Variants in FAHD2B observed in about 807,000 individuals in gnomAD.
The protein encoded by FAHD2B is fumarylacetoacetate hydrolase domain containing 2B.
A neutral mutation model predicts 33.7 loss-of-function variants in FAHD2B; 26 were observed. The ratio of observed to expected loss-of-function variants is 0.77; its 90% CI spans 0.57 to 1.07. FAHD2B has a LOEUF of 1.07. Among genes scored for constraint, FAHD2B ranks in the 50% least tolerant of loss-of-function variants. The probability of loss-of-function intolerance (pLI) is 0.00; values close to 1 mark genes in which losing one functional copy is unlikely to be tolerated. For missense variants in FAHD2B, 272 were observed against 388.1 expected, an observed-to-expected ratio of 0.70 and a Z score of 2.51; for synonymous variants, 108 against 150.9, an observed-to-expected ratio of 0.72 and a Z score of 2.08.
downstream of FAHD2B, chr2:97,082,460 C>A (rs1307358450): frequency 2.5e-6 from 4 of 1,613,324 alleles, no homozygotes; most frequent in African/African-American, 5.3e-5. Context: ...AAGAAGGGAT[C>A]TTCGGTGAGT....
downstream of FAHD2B, among the ~76,000 whole-genome samples, chr2:97,078,921 C>T (rs552003046): frequency 6.6e-6 from 1 of 152,094 alleles, no homozygotes; most frequent in Admixed American, 6.6e-5. Flanking sequence ...CCTCACCCTC[C>T]ATCCTCTGGT....
At position 97,089,910 on chromosome 2, in the gene FAHD2B, G is replaced by A. The variant is rs2032229691; in HGVS notation, c.462+199C>T. ...TCTCTGTTTTATCTACAGTGAAGGTGTATTGCTTTTGTAACCAGGAAAACA... is the reference window on the plus strand; with the variant it reads ...TCTCTGTTTTATCTACAGTGAAGGTATATTGCTTTTGTAACCAGGAAAACA... On this transcript the variant is annotated intron_variant, in intron 4 of 8. Transcript: ENST00000414820. 3 of 615,266 alleles carry A rather than the reference G, an allele frequency of 4.9e-6. No individual in the cohort carries two copies. The South Asian group carries it at 6.1e-5, about 12-fold the overall frequency. The allele number at this position is 615,266 out of a possible 1,614,324, so 38.1% of individuals were successfully genotyped here.
At chr2:97,082,046 A>T, downstream of FAHD2B, 1 of 1,587,496 alleles carries the variant, frequency 6.3e-7, no homozygotes, top group Non-Finnish European at 8.6e-7. Flanking sequence ...CTGCTGTGGA[A>T]ACCGAGTGGG....
chr2:97,084,047 C>G lies in FAHD2B; in HGVS notation c.795-12G>C. On this transcript the variant is annotated splice_polypyrimidine_tract_variant and intron_variant, in intron 7 of 8. Coordinates refer to ENST00000414820, the MANE Select transcript of FAHD2B (RefSeq NM_001320848.2). ...AAAAGGTAACAAACCTGGAGCAAAG[C>G]AAAAGGACCCAGTGAGACCAGGGGC... The G allele has an allele frequency of 6.2e-7, 1 of 1,613,412 alleles. No individual in the cohort carries two copies. Among genetic ancestry groups the G allele is most frequent in the Non-Finnish European group, 8.5e-7 (1 of 1,179,804 alleles).
intron 4 of FAHD2B, among the ~76,000 whole-genome samples, chr2:97,088,125 T>C (rs11694252): frequency 3.5e-4 from 54 of 152,284 alleles, no homozygotes; most frequent in South Asian, 2.5e-3. Flanking sequence ...GCCAGCTCAC[T>C]GTCTGCTATA....
chr2:97,091,751 T>G, intron 2 of FAHD2B, 39 bp from the exon 3 acceptor site: 1 of 1,578,510 alleles, frequency 6.3e-7, no homozygotes, highest in Non-Finnish European at 8.6e-7. Context: ...ATGGAGGATC[T>G]CAGAGCCATC....
downstream of FAHD2B, chr2:97,083,105 G>A: frequency 6.6e-7 from 1 of 1,524,306 alleles, no homozygotes; most frequent in Non-Finnish European, 8.8e-7. Context: ...CACAGTCCCT[G>A]TGGTGAGCGC....
rs552971621 is a variant in FAHD2B, at chr2:97,094,274, C to G, written c.-133+427G>C. ...ATGCAGGTTCATTCCAACCTTACAG[C>G]AATCCCCTCAGGTAAAGCGCCCTCA... On this transcript the variant is annotated intron_variant, in intron 1 of 8. Coordinates refer to ENST00000414820, the MANE Select transcript of FAHD2B (RefSeq NM_001320848.2). Among the ~76,000 whole-genome samples, 9 of 151,870 alleles carry G rather than the reference C, an allele frequency of 5.9e-5. No homozygotes were observed. In the East Asian group the frequency reaches 1.6e-3, roughly 26 times the overall value.
intron 1 of FAHD2B, among the ~76,000 whole-genome samples, chr2:97,093,461 T>C (rs1257102): frequency 0.86 from 126,400 of 147,534 alleles, 55,721 homozygotes; most frequent in African/African-American, 0.95. Context: ...CTACAATGTC[T>C]GATTTAATTC....
chr2:97,094,456 T>C (rs1245558077), intron 1 of FAHD2B, among the ~76,000 whole-genome samples: 1 of 116,668 alleles, frequency 8.6e-6, no homozygotes, highest in African/African-American at 3.4e-5. Flanking sequence ...GGCGGCGACG[T>C]GAGGTGGAAA....
chr2:97,082,226 T>G (rs546439063), downstream of FAHD2B: 16 of 1,540,304 alleles, frequency 1.0e-5, no homozygotes, highest in East Asian at 3.4e-4. Context: ...CCCAGATTTC[T>G]TTCTTTTCCT....
At chr2:97,081,406 C>T (rs1245474126), downstream of FAHD2B, 2 of 1,547,902 alleles carry the variant, frequency 1.3e-6, no homozygotes, top group Non-Finnish European at 1.7e-6. Flanking sequence ...GCCTGGCTCT[C>T]CTGAGGCCAC....
Position 97,090,170 on chromosome 2 carries a change from C to T in FAHD2B, c.401G>A (p.Ser134Asn). 6.2e-7 allele frequency: 1 copy of T among 1,610,668 alleles called. No individual in the cohort carries two copies. Among genetic ancestry groups the T allele is most frequent in the South Asian group, 1.1e-5 (1 of 90,698 alleles). The change falls in exon 4 of 9, where the codon AGC (serine) becomes AAC (asparagine). Residue 134 changes from serine to asparagine, a missense_variant. Coordinates refer to ENST00000414820, the MANE Select transcript of FAHD2B (RefSeq NM_001320848.2). Reference protein sequence around the residue: ...VPVPKEPIIFSKFASSIVGPY... With the variant: ...VPVPKEPIIFNKFASSIVGPY... Reference sequence around the variant, plus strand: ...CCCCACGATGGAGCTGGCAAACTTGCTGAAGATGATGGGCTCCTTGGGCAC... The same window carrying T: ...CCCCACGATGGAGCTGGCAAACTTGTTGAAGATGATGGGCTCCTTGGGCAC...
At chr2:97,092,695 C>G (rs139693150) in intron 1 of FAHD2B, among the ~76,000 whole-genome samples, 1 of 152,038 alleles carries the variant, frequency 6.6e-6, no homozygotes, top group Non-Finnish European at 1.5e-5. Flanking sequence ...AAGGGCCAGA[C>G]GCAGTGGCTC....
downstream of FAHD2B, among the ~76,000 whole-genome samples, chr2:97,079,524 G>C (rs531159810): frequency 2.1e-4 from 32 of 152,192 alleles, no homozygotes; most frequent in Admixed American, 1.8e-3. Flanking sequence ...CTACTGATCA[G>C]TGATGTTGAG....
chr2:97,082,011 A>C, downstream of FAHD2B: 1 of 1,551,236 alleles, frequency 6.4e-7, no homozygotes, highest in Non-Finnish European at 8.8e-7. Flanking sequence ...CCTGTGACAC[A>C]GGGCAACGGC....
At chr2:97,084,099 G>A in intron 7 of FAHD2B, 64 bp from the exon 8 acceptor site, 4 of 1,613,218 alleles carry the variant, frequency 2.5e-6, no homozygotes, top group Non-Finnish European at 3.4e-6. Flanking sequence ...GCCAAAGGTG[G>A]AGGGCTCAGG....
At chr2:97,081,267 G>C (rs1329651936), downstream of FAHD2B, 1 of 1,470,748 alleles carries the variant, frequency 6.8e-7, no homozygotes, top group Non-Finnish European at 9.0e-7. Context: ...CTCCCCTACG[G>C]CCCACTTGGT....
In FAHD2B at chr2:97,091,473, T is replaced by G. The variant is rs750624539; in HGVS notation, c.234A>C (p.Ser78=). ...QFLEQGEATL[S]VARRALAAQL... ...GCCCACTTACTTACCTTCTTGCCAC[T>G]GAGAGGGTGGCCTCTCCCTGCTCTA... Residue 78 remains serine, a synonymous_variant, in exon 3 of 9, where the codon TCA becomes TCC. Transcript: ENST00000414820. 1.2e-6 allele frequency: 2 copies of G among 1,612,342 alleles called. No homozygotes were observed. The highest frequency in any genetic ancestry group is 2.2e-5 in the South Asian group (2 of 90,784).
Sources: allele counts gnomAD v4.1 joint callset (sites outside exome capture counted in the v4.1 genomes callset), GRCh38; gene constraint gnomAD v4.1.1; transcripts MANE v1.5; gene names NCBI Gene and HGNC (gene_info 2026-07-23, HGNC 2026-07-21).